Variants in ACSL4 observed in about 807,000 individuals in gnomAD.
The protein encoded by ACSL4 is long-chain-fatty-acid--CoA ligase 4.
In ACSL4, 9 loss-of-function variants were observed where a neutral mutation model predicts 49.1. The observed-to-expected ratio is 0.18, with a 90% confidence interval of 0.11 to 0.32. The LOEUF is 0.32. ACSL4 is among the 10% of genes least tolerant of loss of function. The pLI is 1.00. For synonymous variants in ACSL4, 191 were observed against 170.3 expected (o/e 1.12, Z -0.95); for missense variants, 333 against 493.7 (o/e 0.67, Z 3.08).
chrX:109,644,447 GT>G (rs1934551756), intron 15 of ACSL4, among the ~76,000 whole-genome samples: 1 of 110,453 alleles, frequency 9.1e-6, no homozygotes, highest in South Asian at 3.8e-4. Context: ...CAGTTGGATA[GT>G]TTTAGTCTAT....
intron 1 of ACSL4, among the ~76,000 whole-genome samples, chrX:109,718,878 A>G (rs1038628627): frequency 2.7e-5 from 3 of 111,803 alleles, no homozygotes; most frequent in Non-Finnish European, 5.6e-5. Context: ...CACTCTGGCT[A>G]TAGACTCTAA....
chrX:109,689,374 T>G (rs1924863253), intron 2 of ACSL4, among the ~76,000 whole-genome samples: 1 of 111,943 alleles, frequency 8.9e-6, no homozygotes, highest in African/African-American at 3.2e-5. Context: ...CAGAGTACTA[T>G]TCTCAAAATG....
rs1426714268 is a variant in ACSL4, at chrX:109,648,476, G to C, written c.1856-4290C>G. Among the ~76,000 whole-genome samples, 183 of 109,559 alleles carry C rather than the reference G, an allele frequency of 1.7e-3. 1 individual carries two copies. The highest frequency in any genetic ancestry group is 2.8e-3 in the Non-Finnish European group (144 of 52,226). On this transcript the variant is annotated intron_variant, in intron 15 of 15. Transcript: ENST00000672401. Reference sequence around the variant, plus strand: ...AAGGCCTTTGACAAAATTCAACAACGCTTCATGCTAAAAACTCTCAATAAA... The same window carrying C: ...AAGGCCTTTGACAAAATTCAACAACCCTTCATGCTAAAAACTCTCAATAAA...
chrX:109,648,072 C>T (rs1934814028), intron 15 of ACSL4, among the ~76,000 whole-genome samples: 1 of 111,820 alleles, frequency 8.9e-6, no homozygotes, highest in Non-Finnish European at 1.9e-5. Context: ...CAGATGGATT[C>T]ACAGCCAAAT....
rs200180885 is a variant in ACSL4, at chrX:109,717,214, TAAGAA to T, written c.-66+15920_-66+15924del. Among the ~76,000 whole-genome samples the T allele has an allele frequency of 6.6e-3, 732 of 110,934 alleles. 23 individuals carry two copies. The highest frequency in any genetic ancestry group is 0.049 in the Admixed American group (506 of 10,350). ...TACAAGCCTGATTTTTTTTTAAGAA[TAAGAA>T]AAGATTGGCTCACACCTGTAATCTC... On this transcript the variant is annotated intron_variant, in intron 1 of 15. Transcript: ENST00000672401.
intron 11 of ACSL4, 50 bp from the exon 12 acceptor site, chrX:109,665,544 G>T: frequency 9.9e-7 from 1 of 1,006,544 alleles, no homozygotes; most frequent in Non-Finnish European, 1.4e-6. Flanking sequence ...TTCCAGATTT[G>T]TACCAATGCA....
intron 8 of ACSL4, 94 bp from the exon 9 acceptor site, chrX:109,674,567 G>T: frequency 1.6e-6 from 1 of 617,864 alleles, no homozygotes; most frequent in South Asian, 2.5e-5. Flanking sequence ...GTTACACTTG[G>T]AATTTGAGCT....
At chrX:109,701,207 A>G (rs187544333) in intron 1 of ACSL4, among the ~76,000 whole-genome samples, 1 of 110,417 alleles carries the variant, frequency 9.1e-6, no homozygotes, top group East Asian at 2.8e-4. Context: ...GCATATTCTA[A>G]TACACACATA....
At chrX:109,692,103 A>G (rs907149928) in intron 2 of ACSL4, 1 of 111,917 alleles carries the variant, frequency 8.9e-6, no homozygotes, top group Non-Finnish European at 1.9e-5. Flanking sequence ...CAGCAAAGAA[A>G]GCACCTCAGC....
intron 1 of ACSL4, among the ~76,000 whole-genome samples, chrX:109,709,049 C>T (rs749541314): frequency 8.9e-5 from 10 of 111,732 alleles, no homozygotes; most frequent in African/African-American, 2.9e-4. Flanking sequence ...AACTCAAATG[C>T]CAGATTATAT....
chrX:109,725,215 G>C (rs1265036806), intron 1 of ACSL4, among the ~76,000 whole-genome samples: 2 of 108,596 alleles, frequency 1.8e-5, no homozygotes, highest in East Asian at 2.9e-4. Context: ...TGAGTGACTG[G>C]GGACTACAGG....
intron 1 of ACSL4, among the ~76,000 whole-genome samples, chrX:109,706,499 T>C (rs2147507104): frequency 8.9e-6 from 1 of 112,367 alleles, no homozygotes; most frequent in Non-Finnish European, 1.9e-5. Context: ...GCTCTCAATA[T>C]ATCAATTGCA....
chrX:109,665,529 C>A, intron 11 of ACSL4, 35 bp from the exon 12 acceptor site: 3 of 1,088,348 alleles, frequency 2.8e-6, no homozygotes, highest in Non-Finnish European at 3.8e-6. Flanking sequence ...TATTAGCATA[C>A]CACATTCCAG....
chrX:109,695,684 C>T (rs370840640), intron 2 of ACSL4: 2 of 110,712 alleles, frequency 1.8e-5, no homozygotes, highest in African/African-American at 3.3e-5. Flanking sequence ...GAAGACAGAG[C>T]GAGACTCTGT....
intron 8 of ACSL4, among the ~76,000 whole-genome samples, chrX:109,675,416 G>A (rs936867907): frequency 8.9e-6 from 1 of 112,594 alleles, no homozygotes; most frequent in Admixed American, 9.4e-5. Flanking sequence ...CTAGTCTCCT[G>A]CATCCTTCTG....
At chrX:109,648,197 C>G (rs968108559) in intron 15 of ACSL4, among the ~76,000 whole-genome samples, 26 of 111,157 alleles carry the variant, frequency 2.3e-4, no homozygotes, top group African/African-American at 7.9e-4. Context: ...ATCCTGATAC[C>G]AAAGCCTGGC....
intron 1 of ACSL4, among the ~76,000 whole-genome samples, chrX:109,708,082 C>T (rs1203951333): frequency 9.0e-6 from 1 of 111,242 alleles, no homozygotes; most frequent in African/African-American, 3.3e-5. Flanking sequence ...GTAGCTGGGA[C>T]TACAGGCATG....
At chrX:109,700,331 A>C (rs1428205051) in intron 1 of ACSL4, among the ~76,000 whole-genome samples, 1 of 109,812 alleles carries the variant, frequency 9.1e-6, no homozygotes, top group Non-Finnish European at 1.9e-5. Context: ...GGAGTTCAAG[A>C]CCAGCCTGGC....
At chrX:109,702,008 G>A (rs766020901) in intron 1 of ACSL4, among the ~76,000 whole-genome samples, 3 of 103,675 alleles carry the variant, frequency 2.9e-5, no homozygotes, top group Non-Finnish European at 3.9e-5. Context: ...TCAGGAGTTC[G>A]AGACCAGCCT....
Sources: gnomAD v4.1 joint callset for allele counts (sites outside exome capture counted in the v4.1 genomes callset) on GRCh38, gnomAD v4.1.1 for gene constraint, MANE v1.5 for transcripts, NCBI Gene and HGNC (gene_info 2026-07-23, HGNC 2026-07-21) for gene names.